Variants in NINL observed in about 807,000 individuals in gnomAD.
The protein encoded by NINL is ninein like.
A neutral mutation model predicts 160.3 loss-of-function variants in NINL; 153 were observed. The ratio of observed to expected loss-of-function variants is 0.95; its 90% CI spans 0.84 to 1.09. The LOEUF (loss-of-function observed/expected upper bound fraction) is 1.09, where lower values mean the gene tolerates loss of function less well. Ranked by LOEUF, NINL falls within the 50% of genes least tolerant of loss-of-function variation. NINL has a pLI of 0.00. For synonymous variants in NINL, 800 were observed against 734.8 expected, an observed-to-expected ratio of 1.09 and a Z score of -1.43; for missense variants, 1,829 against 1,764.0, an observed-to-expected ratio of 1.04 and a Z score of -0.66.
intron 13 of NINL, among the ~76,000 whole-genome samples, chr20:25,484,662 A>T (rs2063472041): frequency 2.0e-5 from 3 of 152,222 alleles, no homozygotes; most frequent in African/African-American, 7.2e-5. Context: ...CTAGATCTGG[A>T]CGGACAGGAT....
In NINL at chr20:25,476,655, C is replaced by T. The variant is rs781737602; in HGVS notation, c.2636G>A (p.Arg879His). 1.1e-5 allele frequency: 18 copies of T among 1,584,822 alleles called. No homozygotes were observed. Among genetic ancestry groups the T allele is most frequent in the East Asian group, 4.5e-5 (2 of 44,368 alleles). Residue 879 changes from arginine (R) to histidine (H), a missense_variant, in exon 17 of 24, where the codon CGC becomes CAC. By Grantham distance (29) the Arg-to-His change is conservative (BLOSUM62 0). Coordinates refer to ENST00000278886, the MANE Select transcript of NINL (RefSeq NM_025176.6). ...SEEAAGAGPR[R>H]RQAQDTEATQ... is the part of the protein sequence containing the mutation. ...AGCTTCTGTGTCCTGGGCTTGCCTG[C>T]GGCGAGGCCCGGCTCCTGCCGCCTC...
At chr20:25,516,372 A>G (rs998812875) in intron 3 of NINL, among the ~76,000 whole-genome samples, 1 of 152,236 alleles carries the variant, frequency 6.6e-6, no homozygotes, top group African/African-American at 2.4e-5. Context: ...ATTGGAAAAG[A>G]AAGAAAAAGA....
intron 7 of NINL, among the ~76,000 whole-genome samples, 180 bp from the exon 8 acceptor site, chr20:25,501,190 G>A (rs1215759254): frequency 6.6e-6 from 1 of 152,220 alleles, no homozygotes; most frequent in Admixed American, 6.5e-5. Flanking sequence ...CCTCTCCAAG[G>A]TCACATGGCT....
chr20:25,550,529 T>C (rs1453116076), intron 1 of NINL, among the ~76,000 whole-genome samples: 3 of 151,790 alleles, frequency 2.0e-5, no homozygotes, highest in African/African-American at 7.3e-5. Flanking sequence ...TATTGATCAC[T>C]ATCTATACTA....
chr20:25,474,241 G>T (rs2063177059), intron 17 of NINL, among the ~76,000 whole-genome samples: 1 of 152,248 alleles, frequency 6.6e-6, no homozygotes, highest in Admixed American at 6.5e-5. Context: ...ACTGGAGAAG[G>T]TGAGGCAGGG....
intron 10 of NINL, among the ~76,000 whole-genome samples, chr20:25,494,169 C>A (rs547882479): frequency 8.8e-5 from 13 of 148,212 alleles, no homozygotes; most frequent in Admixed American, 2.0e-4. Context: ...CCACATAGCA[C>A]CACACAGGCC....
chr20:25,526,598 G>A lies in NINL; in HGVS notation c.-11C>T. The A allele has an allele frequency of 6.2e-7, 1 of 1,611,122 alleles. No individual in the cohort carries two copies. The highest frequency in any genetic ancestry group is 1.1e-5 in the South Asian group (1 of 91,006). ...CTCTTCTTCATCCATCCCATAGCAG[G>A]CTGGCAGTGTGCAAGGGAAGAAGAA... On this transcript the variant is annotated splice_region_variant and 5_prime_UTR_variant, in exon 2 of 24. Coordinates refer to ENST00000278886, the MANE Select transcript of NINL (RefSeq NM_025176.6).
intron 1 of NINL, among the ~76,000 whole-genome samples, chr20:25,557,030 G>T (rs2064874863): frequency 6.6e-6 from 1 of 152,078 alleles, no homozygotes; most frequent in Admixed American, 6.6e-5. Flanking sequence ...CAGGTACAGG[G>T]TTTCTTTTGG....
At chr20:25,549,873 T>A (rs939257955) in intron 1 of NINL, among the ~76,000 whole-genome samples, 1 of 152,172 alleles carries the variant, frequency 6.6e-6, no homozygotes, top group African/African-American at 2.4e-5. Context: ...GGTAGAATAT[T>A]TACAAGGTTC....
chr20:25,479,942 C>T (rs998018555), intron 15 of NINL, among the ~76,000 whole-genome samples: 2 of 152,218 alleles, frequency 1.3e-5, no homozygotes, highest in Non-Finnish European at 2.9e-5. Flanking sequence ...ACCATTCCCT[C>T]CCCATCAGTC....
intron 1 of NINL, among the ~76,000 whole-genome samples, chr20:25,540,504 G>A (rs997371380): frequency 1.2e-4 from 19 of 152,198 alleles, no homozygotes; most frequent in Middle Eastern, 3.4e-3. Flanking sequence ...AGAATCCACC[G>A]GGCATTAAGG....
chr20:25,493,895 G>C (rs961874784), intron 10 of NINL, among the ~76,000 whole-genome samples: 3 of 152,106 alleles, frequency 2.0e-5, no homozygotes, highest in African/African-American at 7.3e-5. Context: ...CCTGTACCTG[G>C]CTTTTCGCCT....
intron 1 of NINL, among the ~76,000 whole-genome samples, chr20:25,559,744 G>A (rs1403561022): frequency 6.6e-6 from 1 of 151,792 alleles, no homozygotes; most frequent in African/African-American, 2.4e-5. Context: ...GTGACAACAG[G>A]CACACACCAC....
chr20:25,477,693 C>T (rs1317029359), intron 16 of NINL, among the ~76,000 whole-genome samples: 1 of 152,140 alleles, frequency 6.6e-6, no homozygotes, highest in African/African-American at 2.4e-5. Flanking sequence ...ATTGGCAGAT[C>T]GGGAGCCCTG....
chr20:25,568,841 CT>C (rs1484095572), intron 1 of NINL, among the ~76,000 whole-genome samples: 2 of 151,858 alleles, frequency 1.3e-5, no homozygotes, highest in Non-Finnish European at 2.9e-5. Context: ...AATCCCAGTG[CT>C]TTGGGAGGCT....
chr20:25,534,395 T>C lies in NINL; in HGVS notation c.-11-7797A>G, dbSNP rs150119219. On this transcript the variant is annotated intron_variant, in intron 1 of 23. Transcript: ENST00000278886. ...ATAACCAAAAGAACTGAAAACAGCA[T>C]CTCAAAGAGATACAGTCATGTATCA... Among the ~76,000 whole-genome samples the C allele has an allele frequency of 5.9e-3, 894 of 152,256 alleles. 3 individuals are homozygous for C. Among genetic ancestry groups the C allele is most frequent in the Middle Eastern group, 0.02 (6 of 294 alleles).
chr20:25,545,982 G>GTT (rs1342699714), intron 1 of NINL, among the ~76,000 whole-genome samples: 2 of 74,986 alleles, frequency 2.7e-5, no homozygotes, highest in Admixed American at 4.3e-4. Flanking sequence ...TTGTTGTTTT[G>GTT]TTTTTATTTT....
At chr20:25,582,641 C>T (rs1229724367) in intron 1 of NINL, among the ~76,000 whole-genome samples, 1 of 152,128 alleles carries the variant, frequency 6.6e-6, no homozygotes, top group African/African-American at 2.4e-5. Context: ...TCATTTAAAC[C>T]ACTAATGGAT....
At chr20:25,517,360 C>T (rs1313044984) in intron 3 of NINL, among the ~76,000 whole-genome samples, 1 of 152,232 alleles carries the variant, frequency 6.6e-6, no homozygotes, top group Non-Finnish European at 1.5e-5. Flanking sequence ...GCAGCCCTCC[C>T]TCTGACCTTG....
Sources: allele counts gnomAD v4.1 joint callset (sites outside exome capture counted in the v4.1 genomes callset), GRCh38; gene constraint gnomAD v4.1.1; transcripts MANE v1.5; gene names NCBI Gene and HGNC (gene_info 2026-07-23, HGNC 2026-07-21).